Variants in PPM1E observed in about 807,000 individuals in gnomAD.
PPM1E encodes the protein protein phosphatase, Mg2+/Mn2+ dependent 1E, also known as protein phosphatase 1E.
A neutral mutation model predicts 65.9 loss-of-function variants in PPM1E; 20 were observed. The observed-to-expected ratio is 0.30, with a 90% confidence interval of 0.21 to 0.44. The LOEUF is 0.44. Ranked by LOEUF, PPM1E falls within the 20% of genes least tolerant of loss-of-function variation. The pLI is 1.00. For missense variants in PPM1E, 713 were observed against 953.1 expected, an observed-to-expected ratio of 0.75 and a Z score of 3.32; for synonymous variants, 352 against 374.9, an observed-to-expected ratio of 0.94 and a Z score of 0.70.
In PPM1E at chr17:58,980,461, C is replaced by T. The variant is rs1370143712; in HGVS notation, c.1698C>T (p.Asp566=). The change falls in exon 7 of 7, where the codon GAC becomes GAT. Residue 566 remains aspartate (D), a synonymous_variant. Coordinates refer to ENST00000308249, the MANE Select transcript of PPM1E (RefSeq NM_014906.5). The surrounding 1 kb of genome is among the most constrained non-coding windows in gnomAD (Gnocchi z 4.7). The part of the protein sequence containing the change: ...SPGSQINVLE[D]PGYLDLTQIE... ...GGTCCCAAATCAACGTGCTGGAAGA[C>T]CCAGGCTACCTAGATCTCACACAAA... 1.2e-6 allele frequency: 2 copies of T among 1,614,146 alleles called. No individual in the cohort carries two copies. Among genetic ancestry groups the T allele is most frequent in the Admixed American group, 1.7e-5 (1 of 60,022 alleles).
In PPM1E at chr17:58,886,959, G is replaced by A. The variant is rs527838495; in HGVS notation, c.465-68690G>A. On this transcript the variant is annotated intron_variant, in intron 1 of 6. Coordinates refer to ENST00000308249, the MANE Select transcript of PPM1E (RefSeq NM_014906.5). Reference sequence around the variant, plus strand: ...TCAGTTTTGCTGTGAACCTAAAACTGCTCTTAAAAAGTCTATTAAAAATAT... The same window carrying A: ...TCAGTTTTGCTGTGAACCTAAAACTACTCTTAAAAAGTCTATTAAAAATAT... Among the ~76,000 whole-genome samples, 549 of 152,146 alleles carry A rather than the reference G, an allele frequency of 3.6e-3. 3 individuals carry two copies. The highest frequency in any genetic ancestry group is 5.5e-3 in the Non-Finnish European group (376 of 68,014).
At chr17:58,909,924 C>CTTTTTTTTTTTTTTTTTT (rs35833275) in intron 1 of PPM1E, among the ~76,000 whole-genome samples, 234 of 90,006 alleles carry the variant, frequency 2.6e-3, no homozygotes, top group Non-Finnish European at 3.3e-3. Context: ...TTTTCTTTTT[C>CTTTTTTTTTTTTTTTTTT]TTTTTTTTTT....
At chr17:58,898,511 A>G (rs974165840) in intron 1 of PPM1E, among the ~76,000 whole-genome samples, 1 of 152,280 alleles carries the variant, frequency 6.6e-6, no homozygotes, top group African/African-American at 2.4e-5. Context: ...AGGAAACAAC[A>G]GGTGCTGGAG....
intron 1 of PPM1E, among the ~76,000 whole-genome samples, chr17:58,913,519 T>G (rs2143510903): frequency 6.6e-6 from 1 of 152,314 alleles, no homozygotes; most frequent in East Asian, 1.9e-4. Context: ...AGTATTGCAA[T>G]AGCGAAGTAG....
chr17:58,795,493 A>G (rs1299313091), intron 1 of PPM1E, among the ~76,000 whole-genome samples: 1 of 152,142 alleles, frequency 6.6e-6, no homozygotes, highest in African/African-American at 2.4e-5. Context: ...TCTTGAGCCT[A>G]GGAGTTTGAG....
At chr17:58,907,677 G>A (rs1447455422) in intron 1 of PPM1E, among the ~76,000 whole-genome samples, 6 of 152,128 alleles carry the variant, frequency 3.9e-5, no homozygotes, top group Admixed American at 3.3e-4. Context: ...ACTCTTACTA[G>A]AAACACACAC....
At chr17:58,898,897 C>G (rs894307846) in intron 1 of PPM1E, among the ~76,000 whole-genome samples, 1 of 151,726 alleles carries the variant, frequency 6.6e-6, no homozygotes, top group South Asian at 2.1e-4. Flanking sequence ...TCTGAGCAAA[C>G]TATCACAAGG....
chr17:58,897,056 T>C (rs1211964172), intron 1 of PPM1E, among the ~76,000 whole-genome samples: 1 of 152,168 alleles, frequency 6.6e-6, no homozygotes, highest in African/African-American at 2.4e-5. Flanking sequence ...GTTTATAGCA[T>C]GTTTTACTGA....
At chr17:58,798,989 C>T (rs2050234053) in intron 1 of PPM1E, among the ~76,000 whole-genome samples, 1 of 152,144 alleles carries the variant, frequency 6.6e-6, no homozygotes, top group South Asian at 2.1e-4. Flanking sequence ...ACCACTGTGC[C>T]CAGCCCTGTG....
At chr17:58,823,331 AT>A (rs2050499430) in intron 1 of PPM1E, among the ~76,000 whole-genome samples, 2 of 152,306 alleles carry the variant, frequency 1.3e-5, no homozygotes, top group South Asian at 4.1e-4. Context: ...TCATGTGGGT[AT>A]TTGCATGAAA....
chr17:58,898,079 G>A (rs1050486978), intron 1 of PPM1E, among the ~76,000 whole-genome samples: 8 of 151,974 alleles, frequency 5.3e-5, no homozygotes, highest in Admixed American at 1.3e-4. Context: ...GTGAAACTCC[G>A]TCTCTACTAA....
intron 1 of PPM1E, among the ~76,000 whole-genome samples, chr17:58,786,521 C>A (rs13342308): frequency 6.6e-6 from 1 of 152,188 alleles, no homozygotes; most frequent in Non-Finnish European, 1.5e-5. Context: ...AGCATAGATA[C>A]ACTGGACAAA....
intron 2 of PPM1E, among the ~76,000 whole-genome samples, chr17:58,963,734 T>A: frequency 6.7e-6 from 1 of 149,488 alleles, no homozygotes; most frequent in East Asian, 2.0e-4. Flanking sequence ...AAAAAATAAA[T>A]AAAAATTAGC....
At chr17:58,797,683 G>C (rs147866209) in intron 1 of PPM1E, among the ~76,000 whole-genome samples, 1 of 152,080 alleles carries the variant, frequency 6.6e-6, no homozygotes, top group Non-Finnish European at 1.5e-5. Context: ...GAACATTCTC[G>C]TGCAAGTCTT....
At chr17:58,763,590 A>G (rs1199858687) in intron 1 of PPM1E, among the ~76,000 whole-genome samples, 1 of 152,118 alleles carries the variant, frequency 6.6e-6, no homozygotes, top group Non-Finnish European at 1.5e-5. Flanking sequence ...CCTTGTGCAT[A>G]TGTTCCTAGG....
At chr17:58,800,118 A>T (rs961739904) in intron 1 of PPM1E, among the ~76,000 whole-genome samples, 2 of 152,216 alleles carry the variant, frequency 1.3e-5, no homozygotes, top group Non-Finnish European at 2.9e-5. Flanking sequence ...ATGTATATAT[A>T]CATATAGATG....
intron 1 of PPM1E, among the ~76,000 whole-genome samples, chr17:58,908,842 G>A (rs1237459595): frequency 2.0e-5 from 3 of 152,096 alleles, no homozygotes; most frequent in Non-Finnish European, 4.4e-5. Flanking sequence ...CACTGATAGT[G>A]TGAGTGTATT....
At chr17:58,970,870 G>A (rs1324362586) in intron 4 of PPM1E, among the ~76,000 whole-genome samples, 1 of 151,964 alleles carries the variant, frequency 6.6e-6, no homozygotes, top group Non-Finnish European at 1.5e-5. Context: ...CCCCTGAGAG[G>A]TGACCCGTAA....
chr17:58,889,825 C>G (rs2051324116), intron 1 of PPM1E, among the ~76,000 whole-genome samples: 1 of 152,132 alleles, frequency 6.6e-6, no homozygotes, highest in African/African-American at 2.4e-5. Flanking sequence ...TAATACCAAG[C>G]TTATTTTTAA....
Sources: gnomAD v4.1 joint callset for allele counts (sites outside exome capture counted in the v4.1 genomes callset) on GRCh38, gnomAD v4.1.1 for gene constraint, Gnocchi (gnomAD v3.1) non-coding constraint, MANE v1.5 for transcripts, NCBI Gene and HGNC (gene_info 2026-07-23, HGNC 2026-07-21) for gene names.